GTF2F2: variants seen among roughly 807,000 people sequenced by gnomAD.
GTF2F2 encodes general transcription factor IIF subunit 2.
In GTF2F2, 23 loss-of-function variants were observed where a neutral mutation model predicts 42.2. The ratio of observed to expected loss-of-function variants is 0.55; its 90% CI spans 0.39 to 0.77. GTF2F2 has a LOEUF of 0.77. Among genes scored for constraint, GTF2F2 ranks in the 30% least tolerant of loss-of-function variants. GTF2F2 has a pLI of 0.00. For synonymous variants in GTF2F2, 105 were observed against 100.8 expected (o/e 1.04, Z -0.25); for missense variants, 261 against 287.2 (o/e 0.91, Z 0.66).
intron 5 of GTF2F2, among the ~76,000 whole-genome samples, chr13:45,236,490 TACACACACACACAC>T (rs3047056): frequency 0.17 from 23,881 of 141,960 alleles, 2,107 homozygotes; most frequent in Middle Eastern, 0.21. Context: ...CCGCCACACA[TACACACACACACAC>T]ACACACACAC....
chr13:45,276,599 G>C (rs942337770), intron 7 of GTF2F2, among the ~76,000 whole-genome samples: 3 of 152,022 alleles, frequency 2.0e-5, no homozygotes, highest in African/African-American at 7.2e-5. Context: ...ACCATGCCTG[G>C]CCAATCTTTT....
intron 7 of GTF2F2, among the ~76,000 whole-genome samples, chr13:45,275,426 G>A (rs1020841431): frequency 1.3e-5 from 2 of 151,500 alleles, no homozygotes; most frequent in East Asian, 1.9e-4. Flanking sequence ...TACATTAGGT[G>A]TATCTCCTAA....
chr13:45,252,141 T>A (rs1212747572), intron 5 of GTF2F2, among the ~76,000 whole-genome samples: 3 of 152,192 alleles, frequency 2.0e-5, no homozygotes, highest in Non-Finnish European at 2.9e-5. Context: ...AGCAGTGTTT[T>A]GAGTTATATT....
At chr13:45,264,207 A>AC (rs1478923739) in intron 6 of GTF2F2, among the ~76,000 whole-genome samples, 4 of 151,906 alleles carry the variant, frequency 2.6e-5, no homozygotes, top group African/African-American at 9.7e-5. Flanking sequence ...AGAAAGCACC[A>AC]ACATTAACTT....
Position 45,131,897 on chromosome 13 carries a change from CAAAAAAA to C in GTF2F2, c.67-4818_67-4812del, listed in dbSNP as rs765260379. The stretch of plus-strand genomic sequence containing the variant: ...TGGGTGACAGAATGAGACCCTGTCT[CAAAAAAA>C]AAAAAAAAAAAAAAAAAGAGAGAGA... On this transcript the variant is annotated intron_variant, in intron 1 of 7. Transcript: ENST00000340473. 1.1e-3 allele frequency among the ~76,000 whole-genome samples: 61 copies of C among 53,202 alleles called. 1 individual carries two copies. The highest frequency in any genetic ancestry group is 7.8e-3 in the Middle Eastern group (1 of 128). The allele number at this position is 53,202 out of a possible 152,430, so 34.9% of individuals were successfully genotyped here.
At chr13:45,167,631 G>A (rs542348769) in intron 4 of GTF2F2, among the ~76,000 whole-genome samples, 14 of 151,916 alleles carry the variant, frequency 9.2e-5, no homozygotes, top group African/African-American at 2.7e-4. Context: ...ATCTCTTGAC[G>A]TCGTGATCTG....
At chr13:45,136,025 A>G (rs1271950457) in intron 1 of GTF2F2, among the ~76,000 whole-genome samples, 1 of 152,266 alleles carries the variant, frequency 6.6e-6, no homozygotes, top group Non-Finnish European at 1.5e-5. Flanking sequence ...ACAACACAAT[A>G]TAGTGTATTG....
chr13:45,257,241 T>C (rs1876141436), intron 6 of GTF2F2, among the ~76,000 whole-genome samples: 1 of 152,210 alleles, frequency 6.6e-6, no homozygotes, highest in African/African-American at 2.4e-5. Context: ...TATTTTTATC[T>C]CTTAGAATAC....
chr13:45,196,234 CTG>C (rs1217603848), intron 4 of GTF2F2, among the ~76,000 whole-genome samples: 3 of 152,188 alleles, frequency 2.0e-5, no homozygotes, highest in Admixed American at 1.3e-4. Flanking sequence ...TGCTTAGAGA[CTG>C]TGAAATTCAA....
intron 4 of GTF2F2, among the ~76,000 whole-genome samples, chr13:45,156,419 G>C (rs1410179602): frequency 6.6e-6 from 1 of 152,124 alleles, no homozygotes; most frequent in Non-Finnish European, 1.5e-5. Flanking sequence ...TTCTTCACTT[G>C]GCATTCTTTT....
At chr13:45,254,036 TGAGTGACA>T (rs1366361582) in intron 6 of GTF2F2, among the ~76,000 whole-genome samples, 6 of 142,770 alleles carry the variant, frequency 4.2e-5, no homozygotes, top group South Asian at 2.1e-4. Flanking sequence ...CACTGCAGCC[TGAGTGACA>T]GAGTGACAGA....
chr13:45,254,121 T>C (rs1370660685), intron 6 of GTF2F2, among the ~76,000 whole-genome samples: 4 of 151,056 alleles, frequency 2.6e-5, no homozygotes, highest in South Asian at 2.1e-4. Context: ...CACCAAGATA[T>C]TTTGAGAGAG....
At chr13:45,165,666 A>G (rs974448082) in intron 4 of GTF2F2, among the ~76,000 whole-genome samples, 17 of 151,262 alleles carry the variant, frequency 1.1e-4, no homozygotes, top group Admixed American at 4.0e-4. Context: ...TATACCTATC[A>G]TTCATCTTCC....
chr13:45,134,761 A>G (rs1409992011), intron 1 of GTF2F2, among the ~76,000 whole-genome samples: 2 of 152,150 alleles, frequency 1.3e-5, no homozygotes, highest in Non-Finnish European at 2.9e-5. Flanking sequence ...GGTCTAGTGA[A>G]GAGAGCAGAA....
intron 6 of GTF2F2, among the ~76,000 whole-genome samples, chr13:45,262,499 C>T (rs113833262): frequency 3.3e-5 from 5 of 152,318 alleles, no homozygotes; most frequent in African/African-American, 1.2e-4. Context: ...GCATTCTCAG[C>T]TCACTGCAGC....
intron 5 of GTF2F2, among the ~76,000 whole-genome samples, chr13:45,249,912 A>T (rs1403235302): frequency 1.3e-5 from 2 of 152,034 alleles, no homozygotes; most frequent in East Asian, 3.9e-4. Flanking sequence ...AAGTTAACAC[A>T]TTTAGCTGTC....
intron 4 of GTF2F2, among the ~76,000 whole-genome samples, chr13:45,170,384 T>G (rs569092751): frequency 6.6e-6 from 1 of 152,344 alleles, no homozygotes; most frequent in South Asian, 2.1e-4. Context: ...AATTTTTCTT[T>G]CTCCCACTTA....
At chr13:45,138,048 A>C (rs1869724052) in intron 2 of GTF2F2, among the ~76,000 whole-genome samples, 1 of 152,128 alleles carries the variant, frequency 6.6e-6, no homozygotes, top group Non-Finnish European at 1.5e-5. Flanking sequence ...CTTCGGTGGA[A>C]TTTGACATAG....
intron 6 of GTF2F2, among the ~76,000 whole-genome samples, chr13:45,259,297 A>G (rs1286879416): frequency 6.6e-6 from 1 of 152,176 alleles, no homozygotes; most frequent in Non-Finnish European, 1.5e-5. Flanking sequence ...ATTGTGGCAC[A>G]TGCCTGTAAT....
Sources: allele counts gnomAD v4.1 joint callset (sites outside exome capture counted in the v4.1 genomes callset), GRCh38; gene constraint gnomAD v4.1.1; transcripts MANE v1.5; gene names NCBI Gene and HGNC (gene_info 2026-07-23, HGNC 2026-07-21).